The following FCMR variants were observed in gnomAD, a reference collection of about 807,000 sequenced individuals.
The protein encoded by FCMR is Fc mu receptor, also known as immunoglobulin mu Fc receptor.
Under a neutral mutation model 41.6 loss-of-function variants are expected in FCMR, and 34 were observed. That is an observed-to-expected ratio of 0.82 (90% confidence interval 0.62 to 1.09). The LOEUF is 1.09. FCMR is among the 50% of genes least tolerant of loss of function. The pLI is 0.00. For synonymous variants in FCMR, 209 were observed against 211.8 expected (o/e 0.99, Z 0.12); for missense variants, 496 against 512.5 (o/e 0.97, Z 0.31).
chr1:206,918,920 C>G (rs185463573), intron 1 of FCMR, among the ~76,000 whole-genome samples: 5 of 152,110 alleles, frequency 3.3e-5, no homozygotes, highest in Non-Finnish European at 7.4e-5. Context: ...CAAATTAAAG[C>G]CCAAATACTA....
intron 1 of FCMR, 136 bp downstream of exon 1, chr1:206,921,682 C>T: frequency 1.2e-6 from 1 of 800,840 alleles, no homozygotes; most frequent in South Asian, 1.6e-5. Flanking sequence ...GGCCTCCATT[C>T]TTGTCCTGCC....
intron 4 of FCMR, among the ~76,000 whole-genome samples, 178 bp downstream of exon 4, chr1:206,911,552 G>A (rs540140714): frequency 1.3e-5 from 2 of 152,308 alleles, no homozygotes; most frequent in East Asian, 3.9e-4. Flanking sequence ...CTGGGGCATT[G>A]ACAAGTGTGT....
intron 1 of FCMR, chr1:206,921,421 C>T: frequency 2.3e-6 from 1 of 441,732 alleles, no homozygotes; most frequent in Admixed American, 2.5e-5. Context: ...GGCAACACAG[C>T]AAGACTCCAT....
rs927016030 is a variant in FCMR, at chr1:206,909,503, CG to C, written c.1002del (p.Val335PhefsTer26). The C allele has an allele frequency of 2.8e-5, 36 of 1,286,284 alleles. No homozygotes were observed. Among genetic ancestry groups the C allele is most frequent in the Non-Finnish European group, 3.3e-5 (34 of 1,018,432 alleles). 79.7% of individuals were successfully genotyped at this position (1,286,284 alleles called of 1,614,324 possible). A position where few individuals can be genotyped will look rare whatever the true frequency, so the allele number is the denominator to read the frequency against. On this transcript the variant is annotated frameshift_variant, in exon 7 of 8. Coordinates refer to ENST00000367091, the MANE Select transcript of FCMR (RefSeq NM_005449.5). LOFTEE classifies it low-confidence loss of function (END_TRUNC). The surrounding 1 kb of genome is among the most constrained non-coding windows in gnomAD (Gnocchi z 5.0). ...GGCAACGGCGCTCCGGGGCCGGGAACGGGGGCCTCCCCTGTGCCTAGGGAAC... is the reference window on the plus strand; with the variant it reads ...GGCAACGGCGCTCCGGGGCCGGGAACGGGGCCTCCCCTGTGCCTAGGGAAC... ...GADAAGTGEA[P>X]VPGPGAPLPP...
Position 206,909,792 on chromosome 1 carries a change from C to A in FCMR, c.918G>T (p.Pro306=). ...LESSQRPRGS[P]RPRSQNNIYS... is the part of the protein sequence containing the mutation. The stretch of plus-strand genomic sequence containing the variant: ...AGATGTTGTTTTGGGAGCGCGGTCG[C>A]GGCGACCCGCGGGGCCTCTGGGAGC... Residue 306 remains proline (P), a synonymous_variant, in exon 6 of 8, where the codon CCG becomes CCT. Transcript: ENST00000367091. The surrounding 1 kb of genome is among the most constrained non-coding windows in gnomAD (Gnocchi z 5.0). 2.1e-6 allele frequency: 3 copies of A among 1,442,712 alleles called. No individual in the cohort carries two copies. The highest frequency in any genetic ancestry group is 3.0e-5 in the Admixed American group (1 of 33,162). 89.4% of individuals were successfully genotyped at this position (1,442,712 alleles called of 1,614,324 possible). A position where few individuals can be genotyped will look rare whatever the true frequency, so the allele number is the denominator to read the frequency against.
chr1:206,904,297 C>CTTTTTTTCT lies in FCMR; in HGVS notation c.*721_*722insAGAAAAAAA, dbSNP rs1553448197. 3 of 138,172 alleles carry CTTTTTTTCT rather than the reference C, an allele frequency of 2.2e-5. No homozygotes were observed. Among genetic ancestry groups the CTTTTTTTCT allele is most frequent in the Admixed American group, 7.3e-5 (1 of 13,762 alleles). The allele number at this position is 138,172 out of a possible 1,614,324, so 8.6% of individuals were successfully genotyped here. On this transcript the variant is annotated 3_prime_UTR_variant, in exon 8 of 8. Transcript: ENST00000367091. ...GCTATGGAAGAAAGATAAAGAGATA[C>CTTTTTTTCT]TTTTTTTTTTTTTTTTTTAGAGGGG... is the stretch of plus-strand genomic sequence containing the variant.
intron 1 of FCMR, chr1:206,921,563 T>G (rs528237162): frequency 1.8e-6 from 1 of 560,778 alleles, no homozygotes. Context: ...ATCACACCAC[T>G]GCACTCCAGC....
intron 7 of FCMR, among the ~76,000 whole-genome samples, 171 bp from the exon 8 acceptor site, chr1:206,905,318 G>A (rs987041649): frequency 6.6e-6 from 1 of 152,160 alleles, no homozygotes; most frequent in Non-Finnish European, 1.5e-5. Context: ...GGGATTTTCA[G>A]GGTAGTGTCT....
intron 7 of FCMR, chr1:206,906,118 C>T (rs756735336): frequency 7.6e-5 from 36 of 475,760 alleles, no homozygotes; most frequent in Admixed American, 3.2e-4. Context: ...GGTAGCACTC[C>T]ACTTAGATGA....
At position 206,907,303 on chromosome 1, in the gene FCMR, G is replaced by A. The variant is rs1274858419; in HGVS notation, c.1045-2156C>T. Among the ~76,000 whole-genome samples, 3 of 152,174 alleles carry A rather than the reference G, an allele frequency of 2.0e-5. No homozygotes were observed. The South Asian group carries it at 6.2e-4, about 32-fold the overall frequency. On this transcript the variant is annotated intron_variant, in intron 7 of 7. Coordinates refer to ENST00000367091, the MANE Select transcript of FCMR (RefSeq NM_005449.5). ...AATGGTGGGAAACGTCAGGGTCATG[G>A]GCTTAAGAAGCAGCATTCTCTTCCT...
intron 5 of FCMR, 155 bp downstream of exon 5, chr1:206,910,055 C>T: frequency 8.9e-7 from 1 of 1,126,114 alleles, no homozygotes; most frequent in Non-Finnish European, 1.2e-6. Context: ...GGCCGCTCTC[C>T]TCCTCAGACC....
chr1:206,913,017 C>A lies in FCMR; in HGVS notation c.399G>T (p.Gln133His). The A allele has an allele frequency of 1.9e-6, 3 of 1,613,460 alleles. No homozygotes were observed. Among genetic ancestry groups the A allele is most frequent in the Non-Finnish European group, 2.5e-6 (3 of 1,179,392 alleles). ...HSEYEPSWEE[Q>H]PMPETPKWFH... The stretch of plus-strand genomic sequence containing the variant: ...ACCATTTTGGAGTCTCAGGCATTGG[C>A]TGCTCTTCCCATGATGGCTCGTATT... The change falls in exon 3 of 8, where the codon CAG becomes CAT. Residue 133 changes from glutamine (Q) to histidine (H), a missense_variant. Physicochemically the swap from Gln to His is conservative, Grantham distance 24 (BLOSUM62 0). Coordinates refer to ENST00000367091, the MANE Select transcript of FCMR (RefSeq NM_005449.5).
intron 1 of FCMR, among the ~76,000 whole-genome samples, chr1:206,915,020 C>A (rs1010823115): frequency 1.3e-5 from 2 of 152,194 alleles, no homozygotes; most frequent in Non-Finnish European, 1.5e-5. Context: ...GAGCATGGTG[C>A]GGTTATGTTG....
At chr1:206,917,619 C>A (rs1345992265) in intron 1 of FCMR, among the ~76,000 whole-genome samples, 1 of 151,954 alleles carries the variant, frequency 6.6e-6, no homozygotes, top group African/African-American at 2.4e-5. Flanking sequence ...CTGCTATTGC[C>A]CATATTTTCT....
chr1:206,918,111 C>T (rs1679269023), intron 1 of FCMR, among the ~76,000 whole-genome samples: 1 of 152,234 alleles, frequency 6.6e-6, no homozygotes, highest in South Asian at 2.1e-4. Flanking sequence ...CTTGTCAAGT[C>T]ACTGAAATTC....
At position 206,913,884 on chromosome 1, in the gene FCMR, C is replaced by A; in HGVS notation, c.248G>T (p.Arg83Leu). The part of the protein sequence containing the change: ...KGRVTLKQYP[R>L]KNLFLVEVTQ... Reference sequence around the variant, plus strand: ...TACCTCCACTAGGAACAGATTCTTGCGTGGGTATTGCTTCAGAGTAACTCG... The same window carrying A: ...TACCTCCACTAGGAACAGATTCTTGAGTGGGTATTGCTTCAGAGTAACTCG... The change falls in exon 2 of 8, where the codon CGC becomes CTC. Residue 83 changes from arginine to leucine, a missense_variant. By Grantham distance (102) the Arg-to-Leu change is moderately radical. Transcript: ENST00000367091. 6.2e-7 allele frequency: 1 copy of A among 1,614,214 alleles called. No individual in the cohort carries two copies. Among genetic ancestry groups the A allele is most frequent in the Non-Finnish European group, 8.5e-7 (1 of 1,180,030 alleles).
rs150701809 is a variant in FCMR, at chr1:206,917,623, A to G, written c.38-3529T>C. ...ACACACATGTCCTGCTATTGCCCAT[A>G]TTTTCTTCTCCTTCTGTTTTTAAGA... On this transcript the variant is annotated intron_variant, in intron 1 of 7. Transcript: ENST00000367091. Among the ~76,000 whole-genome samples the G allele has an allele frequency of 1.7e-3, 260 of 151,594 alleles. 3 individuals carry two copies. Among genetic ancestry groups the G allele is most frequent in the African/African-American group, 5.7e-3 (234 of 41,296 alleles).
chr1:206,908,339 A>G, intron 7 of FCMR: 1 of 609,824 alleles, frequency 1.6e-6, no homozygotes, highest in Non-Finnish European at 2.9e-6. Flanking sequence ...TGCCACAGGC[A>G]GCCTGGGACA....
chr1:206,922,728 A>G (rs1679481306), upstream of FCMR, among the ~76,000 whole-genome samples: 1 of 152,226 alleles, frequency 6.6e-6, no homozygotes, highest in Admixed American at 6.5e-5. Flanking sequence ...ACCCTGGTAG[A>G]GCTCTCCTTC....
Sources: gnomAD v4.1 joint callset for allele counts (sites outside exome capture counted in the v4.1 genomes callset) on GRCh38, gnomAD v4.1.1 for gene constraint, Gnocchi (gnomAD v3.1) non-coding constraint, MANE v1.5 for transcripts, NCBI Gene and HGNC (gene_info 2026-07-23, HGNC 2026-07-21) for gene names.